Variants in FOXN3 observed in about 807,000 individuals in gnomAD.
FOXN3 encodes the protein forkhead box protein N3.
In FOXN3, 7 loss-of-function variants were observed where a neutral mutation model predicts 38.4. That is an observed-to-expected ratio of 0.18 (90% CI 0.10 to 0.34). FOXN3 has a LOEUF of 0.34. Among genes scored for constraint, FOXN3 ranks in the 10% least tolerant of loss-of-function variants. The pLI, the probability that FOXN3 is intolerant of heterozygous loss-of-function variation, is 1.00. For missense variants in FOXN3, 456 were observed against 613.4 expected, an observed-to-expected ratio of 0.74 and a Z score of 2.71; for synonymous variants, 230 against 242.2, an observed-to-expected ratio of 0.95 and a Z score of 0.47.
chr14:89,259,970 A>G (rs1246783018), intron 4 of FOXN3, among the ~76,000 whole-genome samples: 4 of 152,242 alleles, frequency 2.6e-5, no homozygotes, highest in Non-Finnish European at 5.9e-5. Flanking sequence ...CACAGACAGA[A>G]CTTCTAAAAT....
intron 4 of FOXN3, among the ~76,000 whole-genome samples, chr14:89,228,047 CTG>C (rs1693109544): frequency 6.6e-6 from 1 of 152,188 alleles, no homozygotes; most frequent in Non-Finnish European, 1.5e-5. Flanking sequence ...GCCAGGGAGA[CTG>C]TTACTCACTG....
At position 89,473,191 on chromosome 14, in the gene FOXN3, A is replaced by AT. The variant is rs552646021; in HGVS notation, c.-14-60702dup. On this transcript the variant is annotated intron_variant, in intron 1 of 6. Coordinates refer to the FOXN3 transcript ENST00000345097. ...AGGCGCCTCCCACCACGCCTGGCTA[A>AT]TTTTTTGTATTTTTAGTAGAGATGG... Among the ~76,000 whole-genome samples, 795 of 151,160 alleles carry AT rather than the reference A, an allele frequency of 5.3e-3. 8 individuals are homozygous for AT. Among genetic ancestry groups the AT allele is most frequent in the Non-Finnish European group, 8.2e-3 (558 of 67,790 alleles).
At chr14:89,544,785 A>C (rs976919846) in intron 1 of FOXN3, among the ~76,000 whole-genome samples, 1 of 152,188 alleles carries the variant, frequency 6.6e-6, no homozygotes, top group Non-Finnish European at 1.5e-5. Flanking sequence ...TAGTATATAC[A>C]GTGTAGAAAT....
intron 4 of FOXN3, among the ~76,000 whole-genome samples, chr14:89,201,504 A>G (rs1183469425): frequency 6.6e-6 from 1 of 152,134 alleles, no homozygotes; most frequent in Non-Finnish European, 1.5e-5. Context: ...ACAGGAATGG[A>G]GACTCCCAAG....
chr14:89,518,955 C>T (rs890686171), intron 1 of FOXN3, among the ~76,000 whole-genome samples: 1 of 152,144 alleles, frequency 6.6e-6, no homozygotes, highest in African/African-American at 2.4e-5. Flanking sequence ...GTGGAGGTTG[C>T]GGTGGGCCGA....
chr14:89,324,478 G>A (rs539927682), intron 3 of FOXN3, among the ~76,000 whole-genome samples: 3,318 of 146,870 alleles, frequency 0.023, 69 homozygotes, highest in Non-Finnish European at 0.032. Flanking sequence ...GTGTGTGTGT[G>A]TGTGTGTATG....
At chr14:89,434,085 G>A (rs1421858616) in intron 1 of FOXN3, among the ~76,000 whole-genome samples, 3 of 151,136 alleles carry the variant, frequency 2.0e-5, no homozygotes, top group East Asian at 4.0e-4. Context: ...CACTACGCCC[G>A]GCTAATTTTA....
chr14:89,256,220 T>C (rs965844283), intron 4 of FOXN3, among the ~76,000 whole-genome samples: 1 of 152,168 alleles, frequency 6.6e-6, no homozygotes, highest in Non-Finnish European at 1.5e-5. Flanking sequence ...ATAACTGGCA[T>C]AAAAAAGGCT....
chr14:89,606,077 G>A (rs550620157), intron 1 of FOXN3, among the ~76,000 whole-genome samples: 5 of 151,626 alleles, frequency 3.3e-5, no homozygotes, highest in South Asian at 4.2e-4. Context: ...GAAAAACTGC[G>A]ATGGCACAGA....
At chr14:89,563,735 G>A (rs1267825285) in intron 1 of FOXN3, among the ~76,000 whole-genome samples, 1 of 152,188 alleles carries the variant, frequency 6.6e-6, no homozygotes, top group Admixed American at 6.5e-5. Context: ...CTGTTTGTTT[G>A]AGGGAAGGTC....
chr14:89,239,017 T>C (rs1190558354), intron 4 of FOXN3, among the ~76,000 whole-genome samples: 1 of 152,096 alleles, frequency 6.6e-6, no homozygotes, highest in Non-Finnish European at 1.5e-5. Context: ...AATTATATAC[T>C]AAAAAAGAGA....
intron 1 of FOXN3, among the ~76,000 whole-genome samples, chr14:89,508,491 T>C (rs1300306107): frequency 1.3e-5 from 2 of 152,116 alleles, no homozygotes; most frequent in Admixed American, 1.3e-4. Context: ...ATTGGTCTGA[T>C]GGATGGGGAA....
chr14:89,333,990 ATATATATATATATATATATG>A (rs1380699766), intron 3 of FOXN3, among the ~76,000 whole-genome samples: 15,434 of 90,224 alleles, frequency 0.17, 1,205 homozygotes, highest in South Asian at 0.3. Flanking sequence ...ATATATATAT[ATATATATATATATATATATG>A]TATATAAATG....
chr14:89,601,049 A>G (rs1315952449), intron 1 of FOXN3, among the ~76,000 whole-genome samples: 4 of 152,174 alleles, frequency 2.6e-5, no homozygotes, highest in Non-Finnish European at 5.9e-5. Context: ...TCATCTTCTT[A>G]AGTGAACTCC....
chr14:89,563,373 A>G (rs991865394), intron 1 of FOXN3, among the ~76,000 whole-genome samples: 5 of 152,246 alleles, frequency 3.3e-5, no homozygotes, highest in Admixed American at 3.3e-4. Flanking sequence ...TGAGGCAGAC[A>G]GTATCCCAGG....
chr14:89,555,166 C>T (rs1356567228), intron 1 of FOXN3, among the ~76,000 whole-genome samples: 1 of 151,892 alleles, frequency 6.6e-6, no homozygotes. Context: ...GCTTTTTTCA[C>T]TTAACATACC....
chr14:89,447,267 T>C (rs1892522709), intron 1 of FOXN3, among the ~76,000 whole-genome samples: 1 of 151,432 alleles, frequency 6.6e-6, no homozygotes, highest in Non-Finnish European at 1.5e-5. Context: ...CCCGTTGTAA[T>C]GCCTTGGATA....
At chr14:89,265,320 C>G (rs1017747866) in intron 4 of FOXN3, among the ~76,000 whole-genome samples, 5 of 152,200 alleles carry the variant, frequency 3.3e-5, no homozygotes, top group Non-Finnish European at 7.4e-5. Context: ...CTCAGCAACG[C>G]TGCTGGTGAA....
At position 89,509,958 on chromosome 14, in the gene FOXN3, T is replaced by A. The variant is rs561094470; in HGVS notation, c.-14-97468A>T. Among the ~76,000 whole-genome samples the A allele has an allele frequency of 4.6e-5, 7 of 152,298 alleles. No homozygotes were observed. In the East Asian group the frequency reaches 1.2e-3, roughly 25 times the overall value. On this transcript the variant is annotated intron_variant, in intron 1 of 6. Transcript: ENST00000345097. ...TGGACATCATGGAGAAGGGCATGTT[T>A]CCCATGAAGAAGGGCATGTTCCCCA...
Sources: gnomAD v4.1 joint callset for allele counts (sites outside exome capture counted in the v4.1 genomes callset) on GRCh38, gnomAD v4.1.1 for gene constraint, MANE v1.5 for transcripts, NCBI Gene and HGNC (gene_info 2026-07-23, HGNC 2026-07-21) for gene names.